The following NAV3 variants were observed in gnomAD, a reference collection of about 807,000 sequenced individuals.
The protein encoded by NAV3 is pore membrane and/or filament interacting like protein 1.
Under a neutral mutation model 244.7 loss-of-function variants are expected in NAV3, and 87 were observed. The ratio of observed to expected loss-of-function variants is 0.36; its 90% CI spans 0.30 to 0.42. NAV3 has a LOEUF of 0.42. Among genes scored for constraint, NAV3 ranks in the 20% least tolerant of loss-of-function variants. The pLI, the probability that NAV3 is intolerant of heterozygous loss-of-function variation, is 1.00. For missense variants in NAV3, 2,663 were observed against 2,893.3 expected, an observed-to-expected ratio of 0.92 and a Z score of 1.83; for synonymous variants, 1,126 against 1,042.2, an observed-to-expected ratio of 1.08 and a Z score of -1.55.
At chr12:77,979,700 AAAAAAAAAAAAG>A (rs1462494926) in intron 5 of NAV3, among the ~76,000 whole-genome samples, 2 of 123,614 alleles carry the variant, frequency 1.6e-5, no homozygotes, top group African/African-American at 6.6e-5. Flanking sequence ...ATGTGAAACG[AAAAAAAAAAAAG>A]AAAAAAAAAA....
chr12:77,990,904 A>T (rs562792476), intron 5 of NAV3, among the ~76,000 whole-genome samples: 2 of 152,276 alleles, frequency 1.3e-5, no homozygotes, highest in South Asian at 4.1e-4. Flanking sequence ...TGTAATATAG[A>T]TCTTTGAAAA....
chr12:77,713,059 A>C (rs905957408), intron 2 of NAV3, among the ~76,000 whole-genome samples: 1 of 152,204 alleles, frequency 6.6e-6, no homozygotes, highest in African/African-American at 2.4e-5. Context: ...TGCAGCTAGC[A>C]TAACTCAGTT....
intron 9 of NAV3, among the ~76,000 whole-genome samples, chr12:78,029,583 C>T (rs1400076520): frequency 6.6e-6 from 1 of 152,106 alleles, no homozygotes; most frequent in East Asian, 1.9e-4. Flanking sequence ...CTAAGGGGCC[C>T]ACTTCCCAGT....
At chr12:78,173,090 G>T (rs1958071740) in intron 24 of NAV3, among the ~76,000 whole-genome samples, 1 of 151,548 alleles carries the variant, frequency 6.6e-6, no homozygotes, top group South Asian at 2.1e-4. Context: ...TTTAAAAATA[G>T]ACCTCTCCAT....
intron 2 of NAV3, among the ~76,000 whole-genome samples, chr12:77,704,120 C>A (rs959236510): frequency 1.3e-5 from 2 of 152,096 alleles, no homozygotes; most frequent in African/African-American, 4.8e-5. Context: ...GGCTGAGGAG[C>A]CTAAGGCCTT....
chr12:77,809,730 G>A (rs1777668735), intron 2 of NAV3, among the ~76,000 whole-genome samples: 1 of 152,122 alleles, frequency 6.6e-6, no homozygotes. Flanking sequence ...TAAAACATAC[G>A]TCATTGTATG....
intron 10 of NAV3, 138 bp from the exon 11 acceptor site, chr12:78,050,626 A>G (rs998164833): frequency 2.2e-6 from 2 of 896,106 alleles, no homozygotes; most frequent in African/African-American, 3.4e-5. Flanking sequence ...CCTCAAAATG[A>G]ATATAGAGTT....
chr12:77,959,509 G>A (rs1891678812), intron 3 of NAV3, among the ~76,000 whole-genome samples: 1 of 151,886 alleles, frequency 6.6e-6, no homozygotes, highest in Non-Finnish European at 1.5e-5. Context: ...TTTTGTTGTT[G>A]TGAGTTATTG....
chr12:77,969,207 T>C (rs1405979415), intron 5 of NAV3, among the ~76,000 whole-genome samples: 1 of 151,830 alleles, frequency 6.6e-6, no homozygotes, highest in Non-Finnish European at 1.5e-5. Flanking sequence ...TGCACATACA[T>C]GTATTATTTG....
At chr12:77,637,687 A>T (rs17793504) in intron 2 of NAV3, among the ~76,000 whole-genome samples, 3,777 of 152,290 alleles carry the variant, frequency 0.025, 61 homozygotes, top group Middle Eastern at 0.082. Context: ...CATCTAAGCT[A>T]ATTCCAGAGT....
At chr12:78,135,051 G>T (rs115223993) in intron 18 of NAV3, among the ~76,000 whole-genome samples, 4,098 of 152,288 alleles carry the variant, frequency 0.027, 197 homozygotes, top group African/African-American at 0.092. Flanking sequence ...CTGAAGGGTA[G>T]TGATTGGGTT....
At chr12:77,582,260 C>G (rs556729194) in intron 2 of NAV3, among the ~76,000 whole-genome samples, 1 of 152,186 alleles carries the variant, frequency 6.6e-6, no homozygotes, top group African/African-American at 2.4e-5. Context: ...GGACATTAAT[C>G]TACAAAGCCT....
intron 2 of NAV3, among the ~76,000 whole-genome samples, chr12:77,711,332 C>T (rs1283452210): frequency 1.3e-5 from 2 of 152,224 alleles, no homozygotes; most frequent in Admixed American, 6.5e-5. Context: ...CCTGCCCCAC[C>T]TTTTGCTGTC....
rs767031249 is a variant in NAV3 at position 78,128,790 on chromosome 12, T to G, written c.4365T>G (p.Thr1455=). 6.2e-7 allele frequency: 1 copy of G among 1,614,132 alleles called. No homozygotes were observed. Among genetic ancestry groups the G allele is most frequent in the Admixed American group, 1.7e-5 (1 of 60,018 alleles). The change falls in exon 18 of 40, where the codon ACT becomes ACG. Residue 1455 remains threonine, a synonymous_variant. Coordinates refer to ENST00000397909, the MANE Select transcript of NAV3 (RefSeq NM_001024383.2). ...ATTCTACTGGAGGGCTTCAGGACAC[T>G]GGCAACCAGTCACCTCTGGTTTCCC... ...RSHSTGGLQD[T]GNQSPLVSPS...
chr12:78,177,714 G>T, intron 28 of NAV3, 29 bp downstream of exon 28: 1 of 1,586,494 alleles, frequency 6.3e-7, no homozygotes, highest in Non-Finnish European at 8.5e-7. Flanking sequence ...CATGAATACT[G>T]CAAAGATCCA....
intron 16 of NAV3, among the ~76,000 whole-genome samples, chr12:78,125,782 T>A (rs1473634103): frequency 6.6e-6 from 1 of 152,244 alleles, no homozygotes; most frequent in African/African-American, 2.4e-5. Context: ...AATAAAGCTT[T>A]AAATTATTAT....
chr12:78,139,540 C>T (rs1022582395), intron 19 of NAV3, among the ~76,000 whole-genome samples: 1 of 151,978 alleles, frequency 6.6e-6, no homozygotes, highest in African/African-American at 2.4e-5. Flanking sequence ...CATACTACTC[C>T]ATAGTAAAAA....
chr12:77,766,718 A>G (rs1257523031), intron 2 of NAV3, among the ~76,000 whole-genome samples: 1 of 143,784 alleles, frequency 7.0e-6, no homozygotes, highest in Non-Finnish European at 1.5e-5. Flanking sequence ...CTAGGATTCT[A>G]AAAAACAGGC....
chr12:78,005,030 A>G (rs183447722), intron 7 of NAV3, among the ~76,000 whole-genome samples: 2 of 152,270 alleles, frequency 1.3e-5, no homozygotes, highest in South Asian at 4.1e-4. Context: ...CTAAGGAAAG[A>G]GCACCTTCTC....
Sources: gnomAD v4.1 joint callset for allele counts (sites outside exome capture counted in the v4.1 genomes callset) on GRCh38, gnomAD v4.1.1 for gene constraint, MANE v1.5 for transcripts, NCBI Gene and HGNC (gene_info 2026-07-23, HGNC 2026-07-21) for gene names.